The following UGP2 variants were observed in gnomAD, a reference collection of about 807,000 sequenced individuals.
UGP2 encodes UTP--glucose-1-phosphate uridylyltransferase.
A neutral mutation model predicts 49.0 loss-of-function variants in UGP2; 40 were observed. That is an observed-to-expected ratio of 0.82 (90% CI 0.63 to 1.06). The LOEUF (loss-of-function observed/expected upper bound fraction) is 1.06. UGP2 is among the 50% of genes least tolerant of loss of function. UGP2 has a pLI of 0.00. For synonymous variants in UGP2, 225 were observed against 213.0 expected (o/e 1.06, Z -0.49); for missense variants, 460 against 603.5 (o/e 0.76, Z 2.49).
chr2:63,859,012 T>G (rs2104286674), intron 3 of UGP2, among the ~76,000 whole-genome samples: 1 of 151,536 alleles, frequency 6.6e-6, no homozygotes, highest in East Asian at 1.9e-4. Context: ...TCTTTTTTTT[T>G]TTTAGACAGT....
chr2:63,867,142 A>G lies in UGP2; in HGVS notation c.255+9206A>G, dbSNP rs949294007. ...ATATTCTTAACCAAGTGCACAGTCA[A>G]CAGGTATCTGAGAAATTACTTCAAG... is the stretch of plus-strand genomic sequence containing the variant. On this transcript the variant is annotated intron_variant, in intron 3 of 9. Transcript: ENST00000337130. Among the ~76,000 whole-genome samples the G allele has an allele frequency of 7.2e-5, 11 of 152,242 alleles. 1 individual carries two copies. The highest frequency in any genetic ancestry group is 1.3e-4 in the Non-Finnish European group (9 of 68,038).
intron 8 of UGP2, chr2:63,889,140 T>G (rs1425272429): frequency 6.6e-6 from 1 of 152,184 alleles, no homozygotes; most frequent in Non-Finnish European, 1.5e-5. Flanking sequence ...AGAATTAGAT[T>G]TATCAGTATG....
At chr2:63,852,089 T>G (rs985780072) in intron 1 of UGP2, among the ~76,000 whole-genome samples, 3 of 152,038 alleles carry the variant, frequency 2.0e-5, no homozygotes, top group African/African-American at 7.2e-5. Flanking sequence ...AACCAATCAC[T>G]AGGAAGGCTT....
chr2:63,874,363 T>C (rs1016302853), intron 3 of UGP2, among the ~76,000 whole-genome samples: 1 of 152,094 alleles, frequency 6.6e-6, no homozygotes, highest in Non-Finnish European at 1.5e-5. Flanking sequence ...ATAACACAGG[T>C]CATGAGAGTG....
intron 1 of UGP2, among the ~76,000 whole-genome samples, chr2:63,854,209 A>T (rs1219127781): frequency 2.0e-5 from 3 of 152,208 alleles, no homozygotes; most frequent in Admixed American, 2.0e-4. Flanking sequence ...CGTCTGTAAA[A>T]TGATGAGAGT....
At chr2:63,874,462 G>A (rs1451920777) in intron 3 of UGP2, among the ~76,000 whole-genome samples, 1 of 152,174 alleles carries the variant, frequency 6.6e-6, no homozygotes, top group Non-Finnish European at 1.5e-5. Context: ...AGTAATTGAA[G>A]CTGACTGCGT....
At chr2:63,857,613 C>A in intron 2 of UGP2, 1 of 582,512 alleles carries the variant, frequency 1.7e-6, no homozygotes, top group Admixed American at 2.2e-5. Context: ...GATCAGCTGG[C>A]CTGAGCCTCC....
chr2:63,854,142 C>T (rs1266407314), intron 1 of UGP2, among the ~76,000 whole-genome samples: 1 of 152,172 alleles, frequency 6.6e-6, no homozygotes, highest in Non-Finnish European at 1.5e-5. Flanking sequence ...TGGGCTCCAC[C>T]ATTGGCCTGC....
intron 3 of UGP2, chr2:63,862,735 A>G (rs1244069663): frequency 1.3e-5 from 6 of 447,112 alleles, no homozygotes; most frequent in Admixed American, 4.8e-5. Flanking sequence ...TGGTAATACT[A>G]CTATTTGAAC....
chr2:63,887,235 A>C (rs1430299367), intron 7 of UGP2, among the ~76,000 whole-genome samples, 167 bp from the exon 8 acceptor site: 3 of 151,908 alleles, frequency 2.0e-5, no homozygotes, highest in Admixed American at 6.5e-5. Flanking sequence ...ACTGCACTCC[A>C]GCCTGGGTGA....
chr2:63,877,033 A>G (rs543419326), intron 3 of UGP2, among the ~76,000 whole-genome samples: 2 of 152,366 alleles, frequency 1.3e-5, no homozygotes, highest in African/African-American at 4.8e-5. Flanking sequence ...ACCATCATAG[A>G]ATAAGTTTTT....
chr2:63,857,762 C>T, intron 2 of UGP2, 67 bp from the exon 3 acceptor site: 1 of 1,429,978 alleles, frequency 7.0e-7, no homozygotes, highest in Non-Finnish European at 9.7e-7. Context: ...TAACTTGTAT[C>T]TGTCTTTATG....
chr2:63,864,745 C>T (rs1670066294), intron 3 of UGP2, among the ~76,000 whole-genome samples: 1 of 152,212 alleles, frequency 6.6e-6, no homozygotes, highest in South Asian at 2.1e-4. Flanking sequence ...CATCAGTTCT[C>T]CATCTTTGGG....
intron 1 of UGP2, chr2:63,855,377 A>G (rs751767433): frequency 4.2e-6 from 2 of 471,400 alleles, no homozygotes; most frequent in African/African-American, 2.0e-5. Flanking sequence ...TACTAAGGAT[A>G]GAAGGGGAAG....
chr2:63,872,361 G>A (rs1670614688), intron 3 of UGP2, among the ~76,000 whole-genome samples: 1 of 152,208 alleles, frequency 6.6e-6, no homozygotes, highest in Non-Finnish European at 1.5e-5. Context: ...AAAATGTTGG[G>A]TACGGGTGAG....
At chr2:63,884,220 C>G in intron 5 of UGP2, 127 bp downstream of exon 5, 1 of 1,114,062 alleles carries the variant, frequency 9.0e-7, no homozygotes, top group Non-Finnish European at 1.3e-6. Context: ...TGTTTGATGC[C>G]CATAAAAGCT....
chr2:63,871,910 G>T (rs993080901), intron 3 of UGP2, among the ~76,000 whole-genome samples: 25 of 152,152 alleles, frequency 1.6e-4, no homozygotes, highest in Non-Finnish European at 3.5e-4. Flanking sequence ...TTAAATCAGG[G>T]GTTGGCAAAC....
Position 63,842,010 on chromosome 2 carries a change from C to A in UGP2, c.-176C>A. The A allele has an allele frequency of 1.4e-6, 1 of 705,864 alleles. No individual in the cohort carries two copies. Among genetic ancestry groups the A allele is most frequent in the South Asian group, 3.8e-5 (1 of 26,038 alleles). 43.7% of individuals were successfully genotyped at this position (705,864 alleles called of 1,614,324 possible). ...GGGAAGGAGTTTCTTTCTTTCTTTT[C>A]TTTTTTCTTGAGCCAGTTTTAATCG... On this transcript the variant is annotated 5_prime_UTR_variant, in exon 1 of 10. Coordinates refer to ENST00000337130, the MANE Select transcript of UGP2 (RefSeq NM_006759.4).
intron 3 of UGP2, among the ~76,000 whole-genome samples, chr2:63,879,005 T>TAAAA (rs567927030): frequency 2.1e-5 from 3 of 141,652 alleles, no homozygotes; most frequent in African/African-American, 2.6e-5. Context: ...TCACTGGAGG[T>TAAAA]AAAAAAAAAA....
Sources: allele counts gnomAD v4.1 joint callset (sites outside exome capture counted in the v4.1 genomes callset), GRCh38; gene constraint gnomAD v4.1.1; transcripts MANE v1.5; gene names NCBI Gene and HGNC (gene_info 2026-07-23, HGNC 2026-07-21).